The following ATXN1 variants were observed in gnomAD, a reference collection of about 807,000 sequenced individuals.
ATXN1 encodes the protein ataxin 1.
In ATXN1, 8 loss-of-function variants were observed where a neutral mutation model predicts 56.4. The ratio of observed to expected loss-of-function variants is 0.14; its 90% CI spans 0.08 to 0.26. The LOEUF is 0.26. Among genes scored for constraint, ATXN1 ranks in the 10% least tolerant of loss-of-function variants. The pLI is 1.00. For synonymous variants in ATXN1, 514 were observed against 494.6 expected (o/e 1.04, Z -0.52); for missense variants, 987 against 1,106.5 (o/e 0.89, Z 1.53).
chr6:16,488,062 T>C (rs1474409184), intron 5 of ATXN1, among the ~76,000 whole-genome samples: 1 of 152,228 alleles, frequency 6.6e-6, no homozygotes, highest in African/African-American at 2.4e-5. Context: ...AGATGATTCA[T>C]CTTTCTGACT....
intron 3 of ATXN1, among the ~76,000 whole-genome samples, chr6:16,630,756 A>T (rs1183369883): frequency 1.3e-5 from 2 of 152,246 alleles, no homozygotes; most frequent in African/African-American, 2.4e-5. Context: ...GTCAGAAGAT[A>T]TTAAGACGAC....
rs67144687 is a variant in ATXN1, at chr6:16,367,362, TCACA to T, written c.-160-38896_-160-38893del. Among the ~76,000 whole-genome samples the T allele has an allele frequency of 4.7e-3, 680 of 144,424 alleles. 1 individual carries two copies. Among genetic ancestry groups the T allele is most frequent in the African/African-American group, 6.7e-3 (255 of 38,134 alleles). The allele number at this position is 144,424 out of a possible 152,430, so 94.7% of individuals were successfully genotyped here. ...CTCTCTCTCTCTCTCTCTCTCTCTC[TCACA>T]CACACACACACACACACACATACAG... On this transcript the variant is annotated intron_variant, in intron 6 of 7. Coordinates refer to ENST00000436367, the MANE Select transcript of ATXN1 (RefSeq NM_001128164.2).
chr6:16,369,416 G>A (rs959744932), intron 6 of ATXN1, among the ~76,000 whole-genome samples: 11 of 152,052 alleles, frequency 7.2e-5, no homozygotes, highest in Admixed American at 6.6e-4. Context: ...CTTCCCTCAC[G>A]GTTATGGCCC....
At chr6:16,312,826 C>G (rs180004) in intron 7 of ATXN1, among the ~76,000 whole-genome samples, 127,287 of 152,086 alleles carry the variant, frequency 0.84, 53,541 homozygotes, top group African/African-American at 0.88. Flanking sequence ...CCCATACCCC[C>G]CTCCCATAAA....
chr6:16,556,609 A>T (rs1219981958), intron 4 of ATXN1, among the ~76,000 whole-genome samples: 2 of 152,218 alleles, frequency 1.3e-5, no homozygotes, highest in Non-Finnish European at 2.9e-5. Flanking sequence ...CTCATTATAA[A>T]AGCCCTACAA....
chr6:16,725,579 C>T (rs996751887), intron 2 of ATXN1, among the ~76,000 whole-genome samples: 2 of 152,152 alleles, frequency 1.3e-5, no homozygotes, highest in Non-Finnish European at 2.9e-5. Flanking sequence ...TTGAAATGCC[C>T]TGTGAAAATA....
intron 6 of ATXN1, among the ~76,000 whole-genome samples, chr6:16,411,056 C>G (rs1193454825): frequency 7.3e-6 from 1 of 136,740 alleles, no homozygotes; most frequent in Non-Finnish European, 1.5e-5. Context: ...ACCTGGGAGG[C>G]GGAGGTTGCA....
At chr6:16,604,877 C>T (rs1581877937) in intron 3 of ATXN1, among the ~76,000 whole-genome samples, 1 of 152,256 alleles carries the variant, frequency 6.6e-6, no homozygotes, top group East Asian at 1.9e-4. Flanking sequence ...CAAGCCACTG[C>T]ACCCAGCTGA....
intron 4 of ATXN1, among the ~76,000 whole-genome samples, chr6:16,579,616 A>G (rs1416188373): frequency 1.3e-5 from 2 of 152,078 alleles, no homozygotes; most frequent in Non-Finnish European, 2.9e-5. Flanking sequence ...CAGCTTCTAA[A>G]GCACACGGCA....
chr6:16,639,829 T>C (rs1763674869), intron 3 of ATXN1, among the ~76,000 whole-genome samples: 1 of 152,238 alleles, frequency 6.6e-6, no homozygotes, highest in African/African-American at 2.4e-5. Flanking sequence ...TTACAATGTT[T>C]CCTTCTATGC....
At chr6:16,652,179 T>G (rs1763906451) in intron 3 of ATXN1, 1 of 152,266 alleles carries the variant, frequency 6.6e-6, no homozygotes, top group Admixed American at 6.5e-5. Context: ...TTTTGGGTGC[T>G]GCTTTACCGA....
chr6:16,435,716 C>G (rs760193667), intron 6 of ATXN1, among the ~76,000 whole-genome samples: 1 of 152,060 alleles, frequency 6.6e-6, no homozygotes, highest in Non-Finnish European at 1.5e-5. Flanking sequence ...TGTCCTCGGG[C>G]CATCTCCTAG....
At chr6:16,374,028 C>A (rs1762098073) in intron 6 of ATXN1, among the ~76,000 whole-genome samples, 1 of 151,642 alleles carries the variant, frequency 6.6e-6, no homozygotes, top group Admixed American at 6.6e-5. Flanking sequence ...ACGGCATAAA[C>A]CAGGTGATAA....
chr6:16,623,783 T>C (rs1417085124), intron 3 of ATXN1, among the ~76,000 whole-genome samples: 1 of 152,274 alleles, frequency 6.6e-6, no homozygotes, highest in African/African-American at 2.4e-5. Context: ...GGATTGGTTT[T>C]ACTGTCTCTT....
At chr6:16,594,975 C>T (rs1475197733) in intron 3 of ATXN1, among the ~76,000 whole-genome samples, 1 of 152,196 alleles carries the variant, frequency 6.6e-6, no homozygotes, top group African/African-American at 2.4e-5. Context: ...AATTTGAAGA[C>T]TCCCCATGAC....
chr6:16,549,173 G>C (rs1349127259), intron 4 of ATXN1, among the ~76,000 whole-genome samples: 1 of 151,538 alleles, frequency 6.6e-6, no homozygotes, highest in East Asian at 1.9e-4. Context: ...TTTTAAATAA[G>C]TAGAAGAAAT....
At chr6:16,690,274 A>C (rs973468782) in intron 2 of ATXN1, among the ~76,000 whole-genome samples, 1 of 151,808 alleles carries the variant, frequency 6.6e-6, no homozygotes, top group African/African-American at 2.4e-5. Context: ...GGAGGAAGAG[A>C]GTCATGATGA....
intron 6 of ATXN1, among the ~76,000 whole-genome samples, chr6:16,395,945 T>C (rs749684607): frequency 7.5e-6 from 1 of 133,754 alleles, no homozygotes. Flanking sequence ...AACCAGGGAG[T>C]CGGAGGTTGC....
intron 2 of ATXN1, among the ~76,000 whole-genome samples, chr6:16,720,709 C>G (rs58129263): frequency 1.3e-5 from 2 of 152,114 alleles, no homozygotes; most frequent in Admixed American, 6.6e-5. Context: ...TTGGGTCGAG[C>G]TAAAGCATGG....
Sources: allele counts gnomAD v4.1 joint callset (sites outside exome capture counted in the v4.1 genomes callset), GRCh38; gene constraint gnomAD v4.1.1; transcripts MANE v1.5; gene names NCBI Gene and HGNC (gene_info 2026-07-23, HGNC 2026-07-21).